Variants in TMEM109 observed in about 807,000 individuals in gnomAD.
The protein encoded by TMEM109 is transmembrane protein 109.
TMEM109 carries 19 observed loss-of-function variants against 26.4 expected under a neutral mutation model. That is an observed-to-expected ratio of 0.72 (90% confidence interval 0.50 to 1.06). The LOEUF (loss-of-function observed/expected upper bound fraction) is 1.06, where lower values mean the gene tolerates loss of function less well. Among genes scored for constraint, TMEM109 ranks in the 50% least tolerant of loss-of-function variants. The pLI, the probability that TMEM109 is intolerant of heterozygous loss-of-function variation, is 0.00. For missense variants in TMEM109, 262 were observed against 303.4 expected (o/e 0.86, Z 1.01); for synonymous variants, 129 against 142.0 (o/e 0.91, Z 0.65).
At chr11:60,918,141 G>C (rs767506047) in intron 1 of TMEM109, among the ~76,000 whole-genome samples, 3 of 152,202 alleles carry the variant, frequency 2.0e-5, no homozygotes, top group African/African-American at 7.2e-5. Context: ...TACCCGATGG[G>C]CTGTTGTGAC....
Position 60,922,258 on chromosome 11 carries a change from G to C in TMEM109, c.*93G>C. ...CCTGCCAGCCCCCTGCCCTTTTCTT[G>C]CCCTGTCTCTGAACCTTCAGAACAT... On this transcript the variant is annotated 3_prime_UTR_variant, in exon 4 of 4. Coordinates refer to ENST00000227525, the MANE Select transcript of TMEM109 (RefSeq NM_024092.3). 6.5e-7 allele frequency: 1 copy of C among 1,547,086 alleles called. No individual in the cohort carries two copies. Among genetic ancestry groups the C allele is most frequent in the Non-Finnish European group, 8.7e-7 (1 of 1,146,832 alleles).
At position 60,919,769 on chromosome 11, in the gene TMEM109, A is replaced by C; in HGVS notation, c.76A>C (p.Ile26Leu). 1 of 1,614,162 alleles carries C rather than the reference A, an allele frequency of 6.2e-7. No individual in the cohort carries two copies. Among genetic ancestry groups the C allele is most frequent in the Non-Finnish European group, 8.5e-7 (1 of 1,180,042 alleles). The change falls in exon 2 of 4, where the codon ATC becomes CTC. Residue 26 changes from isoleucine to leucine, a missense_variant. By Grantham distance (5) the Ile-to-Leu change is conservative. Transcript: ENST00000227525. The part of the protein sequence containing the change: ...KAILMVLVAL[I>L]LLHSALAQSR... ...CATTCTGATGGTCCTAGTGGCCCTT[A>C]TCCTCCTCCACTCAGCATTGGCCCA...
rs1438790866 is a variant in TMEM109 at position 60,923,186 on chromosome 11, C to T, written c.*1021C>T. On this transcript the variant is annotated 3_prime_UTR_variant, in exon 4 of 4. Transcript: ENST00000227525. ...GGTCTGCAGAGAGCAGGGTGAGCTGCCAGCTGCCCCTCTCCACCAGGGTAC... is the reference window on the plus strand; with the variant it reads ...GGTCTGCAGAGAGCAGGGTGAGCTGTCAGCTGCCCCTCTCCACCAGGGTAC... 6.6e-6 allele frequency: 1 copy of T among 152,546 alleles called. No individual in the cohort carries two copies. The highest frequency in any genetic ancestry group is 2.4e-5 in the African/African-American group (1 of 41,428). The allele number at this position is 152,546 out of a possible 1,614,324, so 9.4% of individuals were successfully genotyped here.
intron 1 of TMEM109, among the ~76,000 whole-genome samples, chr11:60,915,252 TA>T (rs1856161087): frequency 6.6e-6 from 1 of 152,242 alleles, no homozygotes; most frequent in Admixed American, 6.5e-5. Flanking sequence ...AGAAATATCT[TA>T]ACTCCTTACA....
rs1227894991 is a variant in TMEM109 at position 60,922,007 on chromosome 11, T to C, written c.574T>C (p.Leu192=). Residue 192 remains leucine (L), a synonymous_variant, in exon 4 of 4, where the codon TTG becomes CTG. Coordinates refer to ENST00000227525, the MANE Select transcript of TMEM109 (RefSeq NM_024092.3). ...PSTRALLLLA[L]LILYALLSRL... ...CACCCGGGCCCTGCTACTCCTGGCCTTGCTGATCCTCTACGCCCTGCTGAG... is the reference window on the plus strand; with the variant it reads ...CACCCGGGCCCTGCTACTCCTGGCCCTGCTGATCCTCTACGCCCTGCTGAG... The C allele has an allele frequency of 1.2e-6, 2 of 1,613,342 alleles. No individual in the cohort carries two copies. Among genetic ancestry groups the C allele is most frequent in the Admixed American group, 1.7e-5 (1 of 60,034 alleles).
At chr11:60,916,580 A>T (rs1856177054) in intron 1 of TMEM109, among the ~76,000 whole-genome samples, 1 of 152,234 alleles carries the variant, frequency 6.6e-6, no homozygotes, top group Admixed American at 6.5e-5. Flanking sequence ...GAATCCTATT[A>T]AAGAAAACAA....
intron 1 of TMEM109, among the ~76,000 whole-genome samples, chr11:60,914,933 GCTT>G (rs373954240): frequency 1.1e-4 from 17 of 152,352 alleles, no homozygotes; most frequent in African/African-American, 3.6e-4. Context: ...ACTCAGCTGT[GCTT>G]CTCGTGTGGC....
chr11:60,919,684 A>G lies in TMEM109; in HGVS notation c.-8-2A>G. ...CAGCTCACTGTGCTTCTCTCCTGGC[A>G]GACCCAGTCATGGCAGCCTCCAGCA... On this transcript the variant is annotated splice_acceptor_variant, in intron 1 of 3. Coordinates refer to ENST00000227525, the MANE Select transcript of TMEM109 (RefSeq NM_024092.3). LOFTEE classifies it low-confidence loss of function (5UTR_SPLICE). 6.2e-7 allele frequency: 1 copy of G among 1,613,482 alleles called. No individual in the cohort carries two copies. The highest frequency in any genetic ancestry group is 1.3e-5 in the African/African-American group (1 of 75,024).
At position 60,922,653 on chromosome 11, in the gene TMEM109, C is replaced by T. The variant is rs1044765; in HGVS notation, c.*488C>T. The T allele has an allele frequency of 3.0e-6, 1 of 331,852 alleles. No individual in the cohort carries two copies. Among genetic ancestry groups the T allele is most frequent in the Non-Finnish European group, 6.0e-6 (1 of 167,290 alleles). 20.6% of individuals were successfully genotyped at this position (331,852 alleles called of 1,614,324 possible). ...CCCACCAAACCATGGTCCTTTAAGG[C>T]ACGCTCCTGTCCTCCTCATTGCCCA... On this transcript the variant is annotated 3_prime_UTR_variant, in exon 4 of 4. Transcript: ENST00000227525.
chr11:60,919,890 A>G lies in TMEM109; in HGVS notation c.197A>G (p.Asp66Gly), dbSNP rs770392931. 2 of 1,614,206 alleles carry G rather than the reference A, an allele frequency of 1.2e-6. No individual in the cohort carries two copies. Among genetic ancestry groups the G allele is most frequent in the Non-Finnish European group, 1.7e-6 (2 of 1,180,022 alleles). The change falls in exon 2 of 4, where the codon GAT becomes GGT. Residue 66 changes from aspartate to glycine, a missense_variant. Transcript: ENST00000227525. ...QIGRSVRGTLDAWIGPETMHL... is the reference protein window; with the variant it reads ...QIGRSVRGTLGAWIGPETMHL... ...GGTCGATCTGTGCGAGGGACACTGGATGCCTGGATTGGGCCAGAGACCATG... is the reference window on the plus strand; with the variant it reads ...GGTCGATCTGTGCGAGGGACACTGGGTGCCTGGATTGGGCCAGAGACCATG...
intron 1 of TMEM109, among the ~76,000 whole-genome samples, chr11:60,914,648 G>T (rs1374831745): frequency 6.6e-6 from 1 of 152,242 alleles, no homozygotes; most frequent in Non-Finnish European, 1.5e-5. Context: ...CTCATGGGTC[G>T]CGCCACGTTC....
At chr11:60,917,093 A>G (rs1856181969) in intron 1 of TMEM109, among the ~76,000 whole-genome samples, 1 of 152,182 alleles carries the variant, frequency 6.6e-6, no homozygotes, top group South Asian at 2.1e-4. Flanking sequence ...CATGTTTTTC[A>G]GCCTTGCTTG....
rs1856245918 is a variant in TMEM109 at position 60,921,947 on chromosome 11, T to C, written c.514T>C (p.Phe172Leu). 1 of 1,613,938 alleles carries C rather than the reference T, an allele frequency of 6.2e-7. No homozygotes were observed. The highest frequency in any genetic ancestry group is 1.1e-5 in the South Asian group (1 of 91,090). Residue 172 changes from phenylalanine (F) to leucine (L), a missense_variant, in exon 4 of 4, where the codon TTC (phenylalanine) becomes CTC (leucine). Transcript: ENST00000227525. ...GAAGCTTGTCATCTTCCTGGCCGGC[T>C]TCGTGGCCCTGATGAGGTCGGTGCC... ...GLKLVIFLAG[F>L]VALMRSVPDP...
In TMEM109 at chr11:60,923,192, G is replaced by GC. The variant is rs2134884969; in HGVS notation, c.*1031dup. The GC allele has an allele frequency of 6.6e-6, 1 of 152,562 alleles. No individual in the cohort carries two copies. The highest frequency in any genetic ancestry group is 2.4e-5 in the African/African-American group (1 of 41,488). 9.5% of individuals were successfully genotyped at this position (152,562 alleles called of 1,614,324 possible). On this transcript the variant is annotated 3_prime_UTR_variant, in exon 4 of 4. Coordinates refer to ENST00000227525, the MANE Select transcript of TMEM109 (RefSeq NM_024092.3). ...CAGAGAGCAGGGTGAGCTGCCAGCT[G>GC]CCCCTCTCCACCAGGGTACCCTGTC...
intron 1 of TMEM109, among the ~76,000 whole-genome samples, chr11:60,916,954 C>T (rs963111679): frequency 6.6e-6 from 1 of 152,198 alleles, no homozygotes; most frequent in Non-Finnish European, 1.5e-5. Flanking sequence ...GGTTATGACC[C>T]AGATAGCTCA....
chr11:60,921,232 C>A (rs1291340876), intron 3 of TMEM109, among the ~76,000 whole-genome samples: 1 of 152,110 alleles, frequency 6.6e-6, no homozygotes, highest in Admixed American at 6.6e-5. Context: ...AGTTTGAGAC[C>A]AGCCTGGGCA....
chr11:60,915,710 CAAAAG>C (rs1388769605), intron 1 of TMEM109, among the ~76,000 whole-genome samples: 2 of 152,078 alleles, frequency 1.3e-5, no homozygotes, highest in African/African-American at 4.8e-5. Flanking sequence ...ATGAAACTAA[CAAAAG>C]GAAAGAGAAG....
intron 1 of TMEM109, among the ~76,000 whole-genome samples, chr11:60,916,545 G>A (rs777415216): frequency 5.3e-5 from 8 of 152,102 alleles, no homozygotes; most frequent in East Asian, 1.9e-4. Context: ...TACTGCCTGA[G>A]ATTCACCTGG....
chr11:60,915,586 A>G (rs1458410800), intron 1 of TMEM109, among the ~76,000 whole-genome samples: 1 of 152,212 alleles, frequency 6.6e-6, no homozygotes, highest in Non-Finnish European at 1.5e-5. Context: ...ATGGGCAGCC[A>G]AAGTTGAGAA....
Sources: allele counts gnomAD v4.1 joint callset (sites outside exome capture counted in the v4.1 genomes callset), GRCh38; gene constraint gnomAD v4.1.1; transcripts MANE v1.5; gene names NCBI Gene and HGNC (gene_info 2026-07-23, HGNC 2026-07-21).